TMEM63B: variants seen among roughly 807,000 people sequenced by gnomAD.
TMEM63B encodes the protein mechanosensitive cation channel TMEM63B.
A neutral mutation model predicts 102.6 loss-of-function variants in TMEM63B; 23 were observed. The observed-to-expected ratio is 0.22, with a 90% CI of 0.16 to 0.32. TMEM63B has a LOEUF of 0.32. Among genes scored for constraint, TMEM63B ranks in the 10% least tolerant of loss-of-function variants. The probability of loss-of-function intolerance (pLI) is 1.00; values close to 1 mark genes in which losing one functional copy is unlikely to be tolerated. For missense variants in TMEM63B, 628 were observed against 1,095.9 expected (o/e 0.57, Z 6.03); for synonymous variants, 444 against 437.0 (o/e 1.02, Z -0.20).
chr6:44,139,921 G>A (rs1384907831), intron 8 of TMEM63B, among the ~76,000 whole-genome samples, 162 bp downstream of exon 8: 1 of 152,174 alleles, frequency 6.6e-6, no homozygotes, highest in Admixed American at 6.5e-5. Context: ...GGAAATGCCT[G>A]CTGAGGATCC....
rs147142767 is a variant in TMEM63B at position 44,152,578 on chromosome 6, C to T, written c.1837-15C>T. 3,689 of 1,604,038 alleles carry T rather than the reference C, an allele frequency of 2.3e-3. 10 individuals carry two copies. Among genetic ancestry groups the T allele is most frequent in the Non-Finnish European group, 2.7e-3 (3,212 of 1,177,062 alleles). The stretch of plus-strand genomic sequence containing the variant: ...CTGCCTCCCTGAGCCATCCTCCTGC[C>T]CGTCTCCCCCCCAGCATCAGGCCTA... On this transcript the variant is annotated splice_polypyrimidine_tract_variant and intron_variant, in intron 19 of 23. Coordinates refer to ENST00000323267, the MANE Select transcript of TMEM63B (RefSeq NM_018426.3). The surrounding 1 kb of genome is among the most constrained non-coding windows in gnomAD (Gnocchi z 6.4).
chr6:44,139,554 G>A lies in TMEM63B; in HGVS notation c.495G>A (p.Val165=). The part of the protein sequence containing the change: ...QRHIIGLLVV[V]GVLSVGIVLP... ...ACATCATCGGGCTGCTGGTGGTTGT[G>A]GGCGTCCTCTCCGTAGGCATCGTGC... is the stretch of plus-strand genomic sequence containing the variant. Residue 165 remains valine, a synonymous_variant, in exon 7 of 24, where the codon GTG becomes GTA. Coordinates refer to ENST00000323267, the MANE Select transcript of TMEM63B (RefSeq NM_018426.3). The A allele has an allele frequency of 6.2e-7, 1 of 1,614,222 alleles. No homozygotes were observed. Among genetic ancestry groups the A allele is most frequent in the Non-Finnish European group, 8.5e-7 (1 of 1,180,048 alleles).
rs73733839 is a variant in TMEM63B at position 44,139,455 on chromosome 6, G to A, written c.408-12G>A. On this transcript the variant is annotated splice_polypyrimidine_tract_variant and intron_variant, in intron 6 of 23. Coordinates refer to ENST00000323267, the MANE Select transcript of TMEM63B (RefSeq NM_018426.3). ...CTAACCTAATTCCTTTGTCCAACCC[G>A]TATGGCTGCAGGGATGATGAGATCC... 4.8e-5 allele frequency: 78 copies of A among 1,613,972 alleles called. No homozygotes were observed. The highest frequency in any genetic ancestry group is 2.0e-4 in the East Asian group (9 of 44,868).
chr6:44,154,143 C>T lies in TMEM63B; in HGVS notation c.2181C>T (p.His727=), dbSNP rs199944964. 4.7e-4 allele frequency: 752 copies of T among 1,614,156 alleles called. 6 individuals are homozygous for T. Among genetic ancestry groups the T allele is most frequent in the Admixed American group, 3.3e-5 (2 of 60,022 alleles). The part of the protein sequence containing the change: ...LVITIVICLC[H]VCFGHFKYLS... Reference sequence around the variant, plus strand: ...TCACCATCGTCATCTGTCTCTGCCACGTCTGCTTTGGACACTTCAAATACC... The same window carrying T: ...TCACCATCGTCATCTGTCTCTGCCATGTCTGCTTTGGACACTTCAAATACC... The change falls in exon 22 of 24, where the codon CAC becomes CAT. Residue 727 remains histidine, a synonymous_variant. Transcript: ENST00000323267.
chr6:44,154,332 C>T, intron 22 of TMEM63B, 33 bp from the exon 23 acceptor site: 3 of 1,612,370 alleles, frequency 1.9e-6, no homozygotes, highest in Admixed American at 3.3e-5. Flanking sequence ...GAGGACATGC[C>T]CCCACTTCCT....
In TMEM63B at chr6:44,148,495, C is replaced by T. The variant is rs1354412599; in HGVS notation, c.1122-18C>T. The T allele has an allele frequency of 6.2e-7, 1 of 1,613,442 alleles. No individual in the cohort carries two copies. The highest frequency in any genetic ancestry group is 1.1e-5 in the South Asian group (1 of 90,992). ...GGCCTCCAGGTGGGCCTGTGGTAAC[C>T]AGTGCCCATCTTTCTAGCATCCTGA... is the stretch of plus-strand genomic sequence containing the variant. On this transcript the variant is annotated intron_variant, in intron 13 of 23. Transcript: ENST00000323267. The surrounding 1 kb of genome is among the most constrained non-coding windows in gnomAD (Gnocchi z 5.1).
chr6:44,145,464 C>T (rs1388675443), intron 10 of TMEM63B, among the ~76,000 whole-genome samples: 1 of 151,264 alleles, frequency 6.6e-6, no homozygotes, highest in Non-Finnish European at 1.5e-5. Context: ...TGGTGGCACA[C>T]ACCTGTAATC....
intron 15 of TMEM63B, 119 bp downstream of exon 15, chr6:44,149,064 C>CA: frequency 2.0e-6 from 3 of 1,496,474 alleles, no homozygotes; most frequent in Non-Finnish European, 2.7e-6. Flanking sequence ...CCCGTGCCAC[C>CA]AACCAGCTCC....
rs1333129244 is a variant in TMEM63B at position 44,150,807 on chromosome 6, CATGGTAGA to C, written c.1673+180_1673+187del. 6.6e-6 allele frequency among the ~76,000 whole-genome samples: 1 copy of C among 152,194 alleles called. No individual in the cohort carries two copies. The highest frequency in any genetic ancestry group is 6.5e-5 in the Admixed American group (1 of 15,282). On this transcript the variant is annotated intron_variant, in intron 18 of 23. Transcript: ENST00000323267. This position sits in a 1 kb window ranked among gnomAD's most constrained non-coding sequence, Gnocchi z 4.7. ...CCACAAGGTGTCTTGGGTGTGTATA[CATGGTAGA>C]AGTCCCTGGGGTCTGTGTTGGTGTT...
chr6:44,154,540 A>AC (rs1561829284), intron 23 of TMEM63B, 95 bp downstream of exon 23: 3 of 1,541,100 alleles, frequency 1.9e-6, no homozygotes, highest in Non-Finnish European at 1.8e-6. Flanking sequence ...CCTGTGCCAG[A>AC]CCCCATGGGG....
chr6:44,136,517 A>G, intron 5 of TMEM63B, 78 bp downstream of exon 5: 1 of 980,540 alleles, frequency 1.0e-6, no homozygotes, highest in Non-Finnish European at 1.6e-6. Context: ...CCTCACTTTC[A>G]GTGATGTGGA....
In TMEM63B at chr6:44,148,575, C is replaced by T. The variant is rs936134067; in HGVS notation, c.1184C>T (p.Pro395Leu). 2 of 1,614,254 alleles carry T rather than the reference C, an allele frequency of 1.2e-6. No individual in the cohort carries two copies. The highest frequency in any genetic ancestry group is 1.7e-6 in the Non-Finnish European group (2 of 1,180,052). ...QGCTCRGEPR[P>L]SSCSESLHIS... ...TGCACCTGCCGTGGGGAGCCACGCC[C>T]CTCATCCTGCAGCGAGTCCCTGCAC... The change falls in exon 14 of 24, where the codon CCC (proline) becomes CTC (leucine). Residue 395 changes from proline (P) to leucine (L), a missense_variant. Pro to Leu is a moderately conservative substitution (Grantham distance 98, BLOSUM62 -3). Coordinates refer to ENST00000323267, the MANE Select transcript of TMEM63B (RefSeq NM_018426.3). This position sits in a 1 kb window ranked among gnomAD's most constrained non-coding sequence, Gnocchi z 5.1.
chr6:44,152,359 G>A lies in TMEM63B; in HGVS notation c.1837-234G>A, dbSNP rs1276515293. 2.6e-5 allele frequency among the ~76,000 whole-genome samples: 4 copies of A among 151,484 alleles called. No homozygotes were observed. Among genetic ancestry groups the A allele is most frequent in the Non-Finnish European group, 5.9e-5 (4 of 67,884 alleles). On this transcript the variant is annotated intron_variant, in intron 19 of 23. Coordinates refer to ENST00000323267, the MANE Select transcript of TMEM63B (RefSeq NM_018426.3). The surrounding 1 kb of genome is among the most constrained non-coding windows in gnomAD (Gnocchi z 6.4). ...TCTTGCCCCCTACCTGCCAGGCCCC[G>A]ACCCTTGAAGGCCCCTCTCCGTGCC...
At chr6:44,136,489 C>T (rs995626519) in intron 5 of TMEM63B, 50 bp downstream of exon 5, 10 of 1,286,126 alleles carry the variant, frequency 7.8e-6, no homozygotes, top group South Asian at 2.5e-5. Flanking sequence ...ACCCCCAGGG[C>T]ACATGGGCTG....
In TMEM63B at chr6:44,154,784, A is replaced by C; in HGVS notation, c.2400A>C (p.Ser800=). ...CAGGGGATGAGCCCCCATCATCCTC[A>C]TCCCAAGATGAGGAGTTGCTGATGC... ...GSSGDEPPSS[S]SQDEELLMPP... is the part of the protein sequence containing the mutation. Residue 800 remains serine, a synonymous_variant, in exon 24 of 24, where the codon TCA becomes TCC. Coordinates refer to ENST00000323267, the MANE Select transcript of TMEM63B (RefSeq NM_018426.3). 6.2e-7 allele frequency: 1 copy of C among 1,609,978 alleles called. No homozygotes were observed. Among genetic ancestry groups the C allele is most frequent in the South Asian group, 1.1e-5 (1 of 90,764 alleles).
rs778379293 is a variant in TMEM63B, at chr6:44,148,668, AG to A, written c.1259+21del. On this transcript the variant is annotated intron_variant, in intron 14 of 23. Transcript: ENST00000323267. The surrounding 1 kb of genome is among the most constrained non-coding windows in gnomAD (Gnocchi z 5.1). ...ATCTACTGGTGAGCAAACAGGTGTC[AG>A]GGCAGGCTTTCCAGGGCCTGGGATG... The A allele has an allele frequency of 6.2e-7, 1 of 1,613,176 alleles. No individual in the cohort carries two copies. The highest frequency in any genetic ancestry group is 8.5e-7 in the Non-Finnish European group (1 of 1,179,232).
At position 44,152,495 on chromosome 6, in the gene TMEM63B, G is replaced by A; in HGVS notation, c.1837-98G>A. 1.1e-6 allele frequency: 1 copy of A among 897,324 alleles called. No homozygotes were observed. The highest frequency in any genetic ancestry group is 1.8e-6 in the Non-Finnish European group (1 of 557,920). 55.6% of individuals were successfully genotyped at this position (897,324 alleles called of 1,614,324 possible). On this transcript the variant is annotated intron_variant, in intron 19 of 23. Transcript: ENST00000323267. The surrounding 1 kb of genome is among the most constrained non-coding windows in gnomAD (Gnocchi z 6.4). Reference sequence around the variant, plus strand: ...CCTGTTCCCCATGGCTTCTTTTCCGGCCCCAGAGGTCCTGGCTCCCTTCCC... The same window carrying A: ...CCTGTTCCCCATGGCTTCTTTTCCGACCCCAGAGGTCCTGGCTCCCTTCCC...
chr6:44,152,057 C>G lies in TMEM63B; in HGVS notation c.1836+49C>G, dbSNP rs1165132417. 6.5e-7 allele frequency: 1 copy of G among 1,536,284 alleles called. No individual in the cohort carries two copies. Among genetic ancestry groups the G allele is most frequent in the East Asian group, 2.4e-5 (1 of 41,226 alleles). ...GGCCCGCACAGCGCCCCCTGGTGGC[C>G]CAACAAGAAACAGCAGCCATCGCGC... On this transcript the variant is annotated intron_variant, in intron 19 of 23. Coordinates refer to ENST00000323267, the MANE Select transcript of TMEM63B (RefSeq NM_018426.3). This position sits in a 1 kb window ranked among gnomAD's most constrained non-coding sequence, Gnocchi z 6.4.
At chr6:44,153,589 C>T in intron 20 of TMEM63B, 87 bp from the exon 21 acceptor site, 2 of 1,498,284 alleles carry the variant, frequency 1.3e-6, no homozygotes, top group Admixed American at 3.8e-5. Flanking sequence ...CCCTTCAGCA[C>T]TCTCAGGACC....
Sources: gnomAD v4.1 joint callset for allele counts (sites outside exome capture counted in the v4.1 genomes callset) on GRCh38, gnomAD v4.1.1 for gene constraint, Gnocchi (gnomAD v3.1) non-coding constraint, MANE v1.5 for transcripts, NCBI Gene and HGNC (gene_info 2026-07-23, HGNC 2026-07-21) for gene names.